The following ERICH1 variants were observed in gnomAD, a reference collection of about 807,000 sequenced individuals.
ERICH1 encodes the protein glutamate-rich protein 1.
ERICH1 carries 56 observed loss-of-function variants against 39.6 expected under a neutral mutation model. The observed-to-expected ratio is 1.41, with a 90% CI of 1.14 to 1.77. ERICH1 has a LOEUF of 1.77. Ranked by LOEUF, ERICH1 falls within the 40% of genes most tolerant of loss-of-function variation. ERICH1 has a pLI of 0.00. For synonymous variants in ERICH1, 313 were observed against 223.6 expected (o/e 1.40, Z -3.57); for missense variants, 826 against 575.4 (o/e 1.44, Z -4.45).
At chr8:636,242 C>T (rs1336642709) in intron 3 of ERICH1, among the ~76,000 whole-genome samples, 1 of 152,228 alleles carries the variant, frequency 6.6e-6, no homozygotes, top group Non-Finnish European at 1.5e-5. Flanking sequence ...CCGAGCTGGG[C>T]GTTCACAGCC....
intron 3 of ERICH1, chr8:640,651 GCC>G (rs1798874286): frequency 6.6e-6 from 1 of 152,208 alleles, no homozygotes; most frequent in Non-Finnish European, 1.5e-5. Flanking sequence ...ATCTGGGCAC[GCC>G]AGGTGATGAG....
intron 3 of ERICH1, among the ~76,000 whole-genome samples, chr8:633,184 A>G (rs1798160716): frequency 6.6e-6 from 1 of 152,186 alleles, no homozygotes; most frequent in Non-Finnish European, 1.5e-5. Context: ...CCCAGGACAG[A>G]CGGAGGCTGT....
At chr8:661,996 C>T (rs1801490904), downstream of ERICH1, among the ~76,000 whole-genome samples, 1 of 151,962 alleles carries the variant, frequency 6.6e-6, no homozygotes, top group Admixed American at 6.6e-5. Flanking sequence ...CCACACATGA[C>T]CCACCACCCC....
At chr8:708,696 T>TTTTTTTTTTTG (rs1813976228) in intron 2 of ERICH1, among the ~76,000 whole-genome samples, 2 of 138,260 alleles carry the variant, frequency 1.4e-5, no homozygotes, top group Admixed American at 7.4e-5. Context: ...TTTTTTTTTT[T>TTTTTTTTTTTG]TTTTTTTTTT....
intron 2 of ERICH1, among the ~76,000 whole-genome samples, chr8:703,323 A>G (rs896577051): frequency 7.1e-6 from 1 of 141,506 alleles, no homozygotes; most frequent in Non-Finnish European, 1.6e-5. Context: ...CAACACACAG[A>G]GGACAAATGA....
chr8:679,753 G>C (rs957256933), intron 3 of ERICH1, among the ~76,000 whole-genome samples: 1 of 152,366 alleles, frequency 6.6e-6, no homozygotes, highest in Non-Finnish European at 1.5e-5. Context: ...TGACATCACT[G>C]TGGTCACCTC....
intron 3 of ERICH1, among the ~76,000 whole-genome samples, chr8:628,926 G>C (rs1416441975): frequency 1.3e-5 from 2 of 152,112 alleles, no homozygotes; most frequent in East Asian, 3.9e-4. Flanking sequence ...GACCACCCCA[G>C]CTCAAGGTCA....
intron 3 of ERICH1, among the ~76,000 whole-genome samples, chr8:620,455 A>G (rs1181622314): frequency 6.6e-6 from 1 of 152,234 alleles, no homozygotes; most frequent in African/African-American, 2.4e-5. Context: ...ATAAAGGGAA[A>G]CCAGAAACCT....
intron 1 of ERICH1, among the ~76,000 whole-genome samples, chr8:726,915 C>G (rs920002285): frequency 2.0e-5 from 3 of 151,402 alleles, no homozygotes; most frequent in African/African-American, 2.4e-5. Context: ...CATGTACACA[C>G]AGACCACATG....
At chr8:708,638 A>G (rs13260955) in intron 2 of ERICH1, among the ~76,000 whole-genome samples, 36,977 of 147,712 alleles carry the variant, frequency 0.25, 4,912 homozygotes, top group East Asian at 0.42. Flanking sequence ...TCCAGAGGCT[A>G]GAGGGAGTGG....
intron 3 of ERICH1, among the ~76,000 whole-genome samples, chr8:677,290 G>T (rs1248883678): frequency 6.6e-6 from 1 of 152,198 alleles, no homozygotes; most frequent in Non-Finnish European, 1.5e-5. Context: ...TCTGTTCACG[G>T]TCAAACTGAA....
chr8:664,216 T>C lies in ERICH1; in HGVS notation c.*387A>G, dbSNP rs1413645724. 1 of 990,092 alleles carries C rather than the reference T, an allele frequency of 1.0e-6. No individual in the cohort carries two copies. The highest frequency in any genetic ancestry group is 1.1e-4 in the East Asian group (1 of 9,056). 61.3% of individuals were successfully genotyped at this position (990,092 alleles called of 1,614,324 possible). ...TATTCAAACTACTTAAACTAGAACA[T>C]TTTAATACCCAGAAAGCATTCTTAA... On this transcript the variant is annotated 3_prime_UTR_variant, in exon 6 of 6. Coordinates refer to ENST00000262109, the MANE Select transcript of ERICH1 (RefSeq NM_207332.3).
chr8:717,206 A>T (rs1158912782), intron 1 of ERICH1, among the ~76,000 whole-genome samples: 1 of 152,160 alleles, frequency 6.6e-6, no homozygotes, highest in African/African-American at 2.4e-5. Flanking sequence ...ACCTGAACTG[A>T]AACGATGTGA....
intron 3 of ERICH1, among the ~76,000 whole-genome samples, chr8:618,547 G>A (rs1797081555): frequency 6.6e-6 from 1 of 152,200 alleles, no homozygotes; most frequent in Non-Finnish European, 1.5e-5. Context: ...GTGAGTGACT[G>A]ACAGAGCCTC....
chr8:705,914 C>T (rs7827558), intron 2 of ERICH1, among the ~76,000 whole-genome samples: 1 of 152,234 alleles, frequency 6.6e-6, no homozygotes, highest in South Asian at 2.1e-4. Context: ...TTTCACCGTA[C>T]GTTTTTAATG....
At chr8:715,619 G>C (rs1815757519) in intron 2 of ERICH1, among the ~76,000 whole-genome samples, 1 of 152,234 alleles carries the variant, frequency 6.6e-6, no homozygotes, top group African/African-American at 2.4e-5. Context: ...GCCATCTTCA[G>C]AGCACACAAG....
intron 2 of ERICH1, among the ~76,000 whole-genome samples, chr8:700,472 CCGCACAGG>C (rs1228671885): frequency 2.9e-5 from 4 of 135,762 alleles, no homozygotes; most frequent in African/African-American, 5.4e-5. Context: ...GCGCACAGAC[CCGCACAGG>C]CGCACAGGCC....
At chr8:631,815 G>A (rs1220488567) in intron 3 of ERICH1, among the ~76,000 whole-genome samples, 3 of 152,088 alleles carry the variant, frequency 2.0e-5, no homozygotes, top group Non-Finnish European at 4.4e-5. Flanking sequence ...AGGATGACCT[G>A]GTGGGGTGAT....
chr8:677,454 C>T (rs745415382), intron 3 of ERICH1, among the ~76,000 whole-genome samples: 3 of 152,208 alleles, frequency 2.0e-5, no homozygotes, highest in African/African-American at 4.8e-5. Flanking sequence ...AAGATGAAGC[C>T]GCCAAGCCTG....
Sources: gnomAD v4.1 joint callset for allele counts (sites outside exome capture counted in the v4.1 genomes callset) on GRCh38, gnomAD v4.1.1 for gene constraint, MANE v1.5 for transcripts, NCBI Gene and HGNC (gene_info 2026-07-23, HGNC 2026-07-21) for gene names.